PLPPR1: variants seen among roughly 807,000 people sequenced by gnomAD.
PLPPR1 encodes phospholipid phosphatase related 1.
Under a neutral mutation model 33.1 loss-of-function variants are expected in PLPPR1, and 10 were observed. The observed-to-expected ratio is 0.30, with a 90% confidence interval of 0.19 to 0.51. The LOEUF (loss-of-function observed/expected upper bound fraction) is 0.51. Ranked by LOEUF, PLPPR1 falls within the 20% of genes least tolerant of loss-of-function variation. PLPPR1 has a pLI of 0.97. For missense variants in PLPPR1, 304 were observed against 408.1 expected (o/e 0.74, Z 2.20); for synonymous variants, 151 against 151.0 (o/e 1.00, Z 0.00).
intron 1 of PLPPR1, among the ~76,000 whole-genome samples, chr9:101,143,046 G>A (rs1000484542): frequency 1.3e-5 from 2 of 151,964 alleles, no homozygotes; most frequent in African/African-American, 4.8e-5. Context: ...GATGAGGCAC[G>A]GAGAAAGTGG....
At chr9:101,053,560 G>T (rs1830248394) in intron 1 of PLPPR1, among the ~76,000 whole-genome samples, 1 of 152,106 alleles carries the variant, frequency 6.6e-6, no homozygotes. Context: ...GCCCTAACAG[G>T]GTATTCATGT....
At chr9:101,089,181 A>G (rs1443541772) in intron 1 of PLPPR1, among the ~76,000 whole-genome samples, 4 of 152,128 alleles carry the variant, frequency 2.6e-5, no homozygotes, top group Admixed American at 2.0e-4. Flanking sequence ...CAATCCTCAC[A>G]ACAGCCAAAT....
At chr9:101,144,254 C>T (rs373535850) in intron 1 of PLPPR1, among the ~76,000 whole-genome samples, 8 of 150,122 alleles carry the variant, frequency 5.3e-5, no homozygotes, top group South Asian at 2.2e-4. Context: ...CATCACACAC[C>T]GGGGCCTGTT....
At chr9:101,054,827 A>C (rs569914378) in intron 1 of PLPPR1, among the ~76,000 whole-genome samples, 1 of 152,334 alleles carries the variant, frequency 6.6e-6, no homozygotes, top group East Asian at 1.9e-4. Context: ...TGTCAGCCAA[A>C]AGTGAAAAGA....
chr9:101,178,307 A>G (rs1295998341), intron 1 of PLPPR1, among the ~76,000 whole-genome samples: 1 of 152,160 alleles, frequency 6.6e-6, no homozygotes, highest in East Asian at 1.9e-4. Context: ...TGAGTGCCCA[A>G]TTTGCCAGCA....
intron 1 of PLPPR1, among the ~76,000 whole-genome samples, chr9:101,081,453 A>G (rs1040246386): frequency 2.0e-5 from 3 of 152,126 alleles, no homozygotes; most frequent in African/African-American, 7.2e-5. Flanking sequence ...TCAGCCTCCC[A>G]AAGTGCTGGG....
intron 1 of PLPPR1, among the ~76,000 whole-genome samples, chr9:101,173,696 C>T (rs1367160218): frequency 2.0e-5 from 3 of 152,148 alleles, no homozygotes; most frequent in African/African-American, 7.2e-5. Context: ...AGGGACTCTG[C>T]TCTTAATTCT....
intron 2 of PLPPR1, among the ~76,000 whole-genome samples, chr9:101,195,984 A>G (rs1192125364): frequency 6.6e-6 from 1 of 152,250 alleles, no homozygotes; most frequent in Non-Finnish European, 1.5e-5. Context: ...TGTAAGAACT[A>G]TAAAAGATAG....
At chr9:101,065,511 T>C (rs1040223172) in intron 1 of PLPPR1, among the ~76,000 whole-genome samples, 5 of 152,110 alleles carry the variant, frequency 3.3e-5, no homozygotes, top group African/African-American at 9.7e-5. Flanking sequence ...TAAGGCATTT[T>C]ATTTATAACA....
chr9:101,058,202 C>T (rs915562650), intron 1 of PLPPR1, among the ~76,000 whole-genome samples: 65 of 152,026 alleles, frequency 4.3e-4, no homozygotes, highest in African/African-American at 1.5e-3. Context: ...AAGGGACCCT[C>T]CTCAAATGGC....
At chr9:101,154,283 T>G (rs1039559812) in intron 1 of PLPPR1, among the ~76,000 whole-genome samples, 3 of 152,208 alleles carry the variant, frequency 2.0e-5, no homozygotes, top group Non-Finnish European at 4.4e-5. Flanking sequence ...TCAGAAGGAA[T>G]GGTACCAGCT....
intron 3 of PLPPR1, among the ~76,000 whole-genome samples, chr9:101,276,674 A>T (rs754881565): frequency 6.6e-6 from 1 of 152,244 alleles, no homozygotes; most frequent in Non-Finnish European, 1.5e-5. Flanking sequence ...CACTGTTCAG[A>T]TAAAAAGATA....
intron 6 of PLPPR1, among the ~76,000 whole-genome samples, chr9:101,314,622 C>T (rs1829019241): frequency 1.3e-5 from 2 of 150,672 alleles, no homozygotes; most frequent in East Asian, 1.9e-4. Flanking sequence ...AAAACCAATG[C>T]AGTTACCTTA....
chr9:101,262,002 T>C (rs1452558526), intron 2 of PLPPR1, among the ~76,000 whole-genome samples: 2 of 151,916 alleles, frequency 1.3e-5, no homozygotes, highest in African/African-American at 2.4e-5. Flanking sequence ...AAAAAAGATA[T>C]AGCTCTGTAT....
chr9:101,244,475 G>A (rs1372479977), intron 2 of PLPPR1, among the ~76,000 whole-genome samples: 6 of 151,458 alleles, frequency 4.0e-5, no homozygotes, highest in East Asian at 1.9e-4. Context: ...TTACATCTAC[G>A]CTCTCTCATC....
At chr9:101,073,370 C>T (rs1830502664) in intron 1 of PLPPR1, among the ~76,000 whole-genome samples, 1 of 152,040 alleles carries the variant, frequency 6.6e-6, no homozygotes. Context: ...AGGGAAAAGA[C>T]TCTCTTCAAT....
chr9:101,296,682 A>G (rs1003411947), intron 4 of PLPPR1, among the ~76,000 whole-genome samples: 3 of 152,200 alleles, frequency 2.0e-5, no homozygotes, highest in Admixed American at 6.5e-5. Flanking sequence ...CATTCTCAGT[A>G]AACTGTCGCA....
At chr9:101,302,484 G>A (rs571168381) in intron 4 of PLPPR1, among the ~76,000 whole-genome samples, 1 of 152,294 alleles carries the variant, frequency 6.6e-6, no homozygotes, top group African/African-American at 2.4e-5. Context: ...GTTGAATTGA[G>A]GTACCTTGGC....
chr9:101,077,922 T>A (rs532245455), intron 1 of PLPPR1, among the ~76,000 whole-genome samples: 1 of 151,660 alleles, frequency 6.6e-6, no homozygotes, highest in South Asian at 2.1e-4. Context: ...AGAAAGACCT[T>A]TCACTTTTAT....
Sources: gnomAD v4.1 joint callset for allele counts (sites outside exome capture counted in the v4.1 genomes callset) on GRCh38, gnomAD v4.1.1 for gene constraint, MANE v1.5 for transcripts, NCBI Gene and HGNC (gene_info 2026-07-23, HGNC 2026-07-21) for gene names.